PTPRD: variants seen among roughly 807,000 people sequenced by gnomAD.
The protein encoded by PTPRD is protein tyrosine phosphatase receptor type D, also known as receptor-type tyrosine-protein phosphatase delta.
Under a neutral mutation model 214.5 loss-of-function variants are expected in PTPRD, and 34 were observed. The ratio of observed to expected loss-of-function variants is 0.16; its 90% CI spans 0.12 to 0.21. The LOEUF (loss-of-function observed/expected upper bound fraction) is 0.21. Among genes scored for constraint, PTPRD ranks in the 10% least tolerant of loss-of-function variants. The probability of loss-of-function intolerance (pLI) is 1.00; values close to 1 mark genes in which losing one functional copy is unlikely to be tolerated. For synonymous variants in PTPRD, 1,128 were observed against 845.7 expected (o/e 1.33, Z -5.79); for missense variants, 2,545 against 2,398.7 (o/e 1.06, Z -1.27).
chr9:8,726,281 A>C (rs2154427144), intron 12 of PTPRD, among the ~76,000 whole-genome samples: 1 of 151,938 alleles, frequency 6.6e-6, no homozygotes, highest in East Asian at 2.0e-4. Flanking sequence ...CAACCAAGTC[A>C]AGGTTACTTG....
intron 12 of PTPRD, among the ~76,000 whole-genome samples, chr9:8,696,672 C>T (rs2097916904): frequency 1.3e-5 from 2 of 152,252 alleles, no homozygotes; most frequent in Non-Finnish European, 2.9e-5. Flanking sequence ...ATTAAAATGT[C>T]GTGAGCTAAC....
At chr9:10,014,784 T>C (rs1186824981) in intron 4 of PTPRD, among the ~76,000 whole-genome samples, 1 of 152,032 alleles carries the variant, frequency 6.6e-6, no homozygotes, top group African/African-American at 2.4e-5. Context: ...CATAAATCTG[T>C]ATTGCAACAA....
At chr9:9,279,684 T>C (rs1946955239) in intron 9 of PTPRD, among the ~76,000 whole-genome samples, 1 of 150,826 alleles carries the variant, frequency 6.6e-6, no homozygotes, top group Admixed American at 6.6e-5. Flanking sequence ...TAATTATTAA[T>C]ATTTTATATA....
intron 9 of PTPRD, among the ~76,000 whole-genome samples, chr9:9,202,482 A>G (rs1169972183): frequency 1.3e-5 from 2 of 152,178 alleles, no homozygotes; most frequent in Non-Finnish European, 2.9e-5. Context: ...AAAATGTCCC[A>G]AAGAAAACTG....
intron 11 of PTPRD, among the ~76,000 whole-genome samples, chr9:8,994,396 T>A (rs1460041711): frequency 2.0e-5 from 3 of 152,166 alleles, no homozygotes; most frequent in Non-Finnish European, 4.4e-5. Flanking sequence ...TAGTAAGCAG[T>A]ACATGTCAAT....
intron 35 of PTPRD, among the ~76,000 whole-genome samples, chr9:8,424,488 T>C (rs1252520686): frequency 1.3e-5 from 2 of 152,174 alleles, no homozygotes; most frequent in South Asian, 4.1e-4. Flanking sequence ...ATGTTTACAG[T>C]AATGCATTCC....
At chr9:9,548,196 G>T (rs775915699) in intron 8 of PTPRD, among the ~76,000 whole-genome samples, 6 of 151,242 alleles carry the variant, frequency 4.0e-5, no homozygotes, top group Non-Finnish European at 8.8e-5. Flanking sequence ...TCCAAGTGAA[G>T]GAAGAAGAAA....
intron 11 of PTPRD, among the ~76,000 whole-genome samples, chr9:8,754,483 A>T (rs12341980): frequency 6.6e-6 from 1 of 152,142 alleles, no homozygotes; most frequent in African/African-American, 2.4e-5. Context: ...ATACACAGCT[A>T]TGTCCCTGTA....
intron 4 of PTPRD, among the ~76,000 whole-genome samples, chr9:9,946,521 G>C (rs539327431): frequency 5.3e-5 from 8 of 152,190 alleles, no homozygotes; most frequent in African/African-American, 1.9e-4. Flanking sequence ...GTCCCCAGTA[G>C]GGATCCACTT....
chr9:10,380,204 G>T (rs899216903), intron 2 of PTPRD, among the ~76,000 whole-genome samples: 2 of 152,048 alleles, frequency 1.3e-5, no homozygotes, highest in Non-Finnish European at 2.9e-5. Context: ...AACACATAGA[G>T]ATGTTGCATT....
At chr9:9,339,543 C>A (rs1236904338) in intron 9 of PTPRD, among the ~76,000 whole-genome samples, 1 of 152,216 alleles carries the variant, frequency 6.6e-6, no homozygotes, top group East Asian at 1.9e-4. Flanking sequence ...ATTTCTATAA[C>A]CTGCAATAAG....
At chr9:10,119,180 G>A (rs1478866335) in intron 3 of PTPRD, among the ~76,000 whole-genome samples, 1 of 151,902 alleles carries the variant, frequency 6.6e-6, no homozygotes, top group Non-Finnish European at 1.5e-5. Context: ...TCATTGAGGT[G>A]ATTGGCACAG....
intron 2 of PTPRD, among the ~76,000 whole-genome samples, chr9:10,408,551 C>G (rs1382983597): frequency 6.6e-6 from 1 of 151,616 alleles, no homozygotes; most frequent in African/African-American, 2.4e-5. Flanking sequence ...TGTATTTTAT[C>G]ACCCCTGCTT....
intron 12 of PTPRD, chr9:8,713,695 G>A (rs2098395929): frequency 2.0e-6 from 3 of 1,514,524 alleles, no homozygotes; most frequent in African/African-American, 1.4e-5. Flanking sequence ...GATCATGATG[G>A]TGGAAGAGAT....
At chr9:9,182,816 G>A (rs933292717) in intron 10 of PTPRD, among the ~76,000 whole-genome samples, 1 of 151,524 alleles carries the variant, frequency 6.6e-6, no homozygotes, top group Non-Finnish European at 1.5e-5. Flanking sequence ...TAAAAAATTC[G>A]CTAATCTACT....
intron 33 of PTPRD, among the ~76,000 whole-genome samples, chr9:8,450,899 A>G (rs2095912219): frequency 6.6e-6 from 1 of 152,196 alleles, no homozygotes; most frequent in Admixed American, 6.6e-5. Flanking sequence ...CAATCCTAGT[A>G]TCTCACCCCT....
intron 14 of PTPRD, among the ~76,000 whole-genome samples, chr9:8,569,755 A>G (rs2090540328): frequency 6.6e-6 from 1 of 151,794 alleles, no homozygotes; most frequent in Non-Finnish European, 1.5e-5. Context: ...CACCTCTATC[A>G]AAGAAAGTTT....
intron 4 of PTPRD, among the ~76,000 whole-genome samples, chr9:10,017,116 A>C (rs983415269): frequency 2.0e-5 from 3 of 152,224 alleles, no homozygotes; most frequent in South Asian, 4.1e-4. Flanking sequence ...TCCCAATCAT[A>C]CACATGTTTA....
chr9:10,250,166 G>C (rs1315933951), intron 3 of PTPRD, among the ~76,000 whole-genome samples: 1 of 152,080 alleles, frequency 6.6e-6, no homozygotes, highest in African/African-American at 2.4e-5. Context: ...AACATTTATT[G>C]TTTTAAAGCA....
Sources: allele counts gnomAD v4.1 joint callset (sites outside exome capture counted in the v4.1 genomes callset), GRCh38; gene constraint gnomAD v4.1.1; transcripts MANE v1.5; gene names NCBI Gene and HGNC (gene_info 2026-07-23, HGNC 2026-07-21).